KLHL3: variants seen among roughly 807,000 people sequenced by gnomAD.
KLHL3 encodes the protein kelch-like protein 3.
A neutral mutation model predicts 70.5 loss-of-function variants in KLHL3; 19 were observed. That is an observed-to-expected ratio of 0.27 (90% confidence interval 0.19 to 0.40). The LOEUF (loss-of-function observed/expected upper bound fraction) is 0.40, where lower values mean the gene tolerates loss of function less well. Ranked by LOEUF, KLHL3 falls within the 10% of genes least tolerant of loss-of-function variation. The pLI is 1.00. For synonymous variants in KLHL3, 258 were observed against 290.3 expected, an observed-to-expected ratio of 0.89 and a Z score of 1.13; for missense variants, 512 against 771.1, an observed-to-expected ratio of 0.66 and a Z score of 3.98.
intron 5 of KLHL3, among the ~76,000 whole-genome samples, chr5:137,683,491 A>T (rs1412898985): frequency 6.6e-6 from 1 of 152,220 alleles, no homozygotes; most frequent in African/African-American, 2.4e-5. Context: ...TTTAGAGGCC[A>T]GAGGCAAGCT....
At chr5:137,697,531 A>T (rs1242093089) in intron 4 of KLHL3, among the ~76,000 whole-genome samples, 1 of 152,190 alleles carries the variant, frequency 6.6e-6, no homozygotes, top group African/African-American at 2.4e-5. Flanking sequence ...AAGTGAAGAG[A>T]TTAAAAGTCC....
At chr5:137,721,884 G>A (rs1028041662) in intron 1 of KLHL3, among the ~76,000 whole-genome samples, 9 of 152,234 alleles carry the variant, frequency 5.9e-5, no homozygotes, top group Non-Finnish European at 8.8e-5. Flanking sequence ...TTTATGGAAG[G>A]TGGAAATAAG....
rs977144475 is a variant in KLHL3 at position 137,621,398 on chromosome 5, G to A, written c.*700C>T. On this transcript the variant is annotated 3_prime_UTR_variant, in exon 15 of 15. Transcript: ENST00000309755. ...CAGTTCTCATCTGCTTCCTGTAGGA[G>A]AACTCAAGGAAAAACAGTGAGCTGA... is the stretch of plus-strand genomic sequence containing the variant. 6.6e-6 allele frequency: 1 copy of A among 152,432 alleles called. No homozygotes were observed. Among genetic ancestry groups the A allele is most frequent in the African/African-American group, 2.4e-5 (1 of 41,418 alleles). The allele number at this position is 152,432 out of a possible 1,614,324, so 9.4% of individuals were successfully genotyped here. A position where few individuals can be genotyped will look rare whatever the true frequency, so the allele number is the denominator to read the frequency against.
At position 137,625,730 on chromosome 5, in the gene KLHL3, G is replaced by A. The variant is rs369046963; in HGVS notation, c.1735+23C>T. ...AGTGTGTTGGAGGCCTCTCGGATGG[G>A]CATGGAGATGGCACACACTGACCTG... On this transcript the variant is annotated intron_variant, in intron 14 of 14. Coordinates refer to ENST00000309755, the MANE Select transcript of KLHL3 (RefSeq NM_017415.3). The A allele has an allele frequency of 1.1e-5, 17 of 1,613,636 alleles. No individual in the cohort carries two copies. In the African/African-American group the frequency reaches 2.3e-4, roughly 22 times the overall value.
chr5:137,629,556 A>T (rs541734588), intron 12 of KLHL3: 2 of 152,350 alleles, frequency 1.3e-5, no homozygotes, highest in South Asian at 4.1e-4. Context: ...AGACTTGTAG[A>T]CTATAACTCC....
At chr5:137,702,928 CT>C (rs1358164006) in intron 3 of KLHL3, among the ~76,000 whole-genome samples, 1 of 152,008 alleles carries the variant, frequency 6.6e-6, no homozygotes, top group East Asian at 1.9e-4. Flanking sequence ...CAGCTGAGAC[CT>C]TTTTAGGTGG....
intron 5 of KLHL3, among the ~76,000 whole-genome samples, chr5:137,684,877 T>C (rs1561605362): frequency 6.6e-6 from 1 of 152,204 alleles, no homozygotes; most frequent in Non-Finnish European, 1.5e-5. Flanking sequence ...CTACCCTCCC[T>C]ACCCCAGAAT....
chr5:137,679,481 C>T (rs908594197), intron 5 of KLHL3, among the ~76,000 whole-genome samples: 2 of 151,922 alleles, frequency 1.3e-5, no homozygotes, highest in African/African-American at 2.4e-5. Context: ...AGCTGACAGC[C>T]GGAGAAGGGA....
At chr5:137,627,486 C>CCG (rs1554089752) in intron 13 of KLHL3, among the ~76,000 whole-genome samples, 5 of 130,920 alleles carry the variant, frequency 3.8e-5, no homozygotes, top group African/African-American at 1.3e-4. Flanking sequence ...CACCCCCCCC[C>CCG]CCGGTTTACA....
chr5:137,708,543 G>A (rs1297482500), intron 3 of KLHL3, among the ~76,000 whole-genome samples: 1 of 152,152 alleles, frequency 6.6e-6, no homozygotes, highest in Non-Finnish European at 1.5e-5. Context: ...AAATATTTGT[G>A]TCCTACCATG....
intron 2 of KLHL3, among the ~76,000 whole-genome samples, chr5:137,710,076 A>G (rs1200462534): frequency 6.6e-6 from 1 of 152,122 alleles, no homozygotes; most frequent in African/African-American, 2.4e-5. Context: ...CCATGGAGAG[A>G]TCCAACTACT....
chr5:137,663,832 C>G (rs1371828002), intron 6 of KLHL3, among the ~76,000 whole-genome samples: 1 of 152,050 alleles, frequency 6.6e-6, no homozygotes, highest in African/African-American at 2.4e-5. Context: ...GCTTTCAATG[C>G]CAATATTTGG....
At chr5:137,730,613 A>G (rs1753157742) in intron 1 of KLHL3, among the ~76,000 whole-genome samples, 1 of 152,236 alleles carries the variant, frequency 6.6e-6, no homozygotes, top group African/African-American at 2.4e-5. Flanking sequence ...TGCTTTCTTT[A>G]AAACTCAAGG....
Position 137,678,286 on chromosome 5 carries a change from T to C in KLHL3, c.527-632A>G, listed in dbSNP as rs142739718. ...CCACAGAGCCAGGCCTATGGAACTGTTCAAGACAGAGGGAAATTTGGTGAC... is the reference window on the plus strand; with the variant it reads ...CCACAGAGCCAGGCCTATGGAACTGCTCAAGACAGAGGGAAATTTGGTGAC... On this transcript the variant is annotated intron_variant, in intron 5 of 14. Coordinates refer to ENST00000309755, the MANE Select transcript of KLHL3 (RefSeq NM_017415.3). Among the ~76,000 whole-genome samples, 317 of 152,182 alleles carry C rather than the reference T, an allele frequency of 2.1e-3. 6 individuals are homozygous for C. The Middle Eastern group carries it at 0.027, about 13-fold the overall frequency.
intron 8 of KLHL3, among the ~76,000 whole-genome samples, chr5:137,650,618 G>C (rs1294258456): frequency 1.3e-5 from 2 of 152,058 alleles, no homozygotes; most frequent in South Asian, 2.1e-4. Context: ...TCAGGAGTTC[G>C]AGACCAGCCT....
Position 137,691,704 on chromosome 5 carries a change from G to A in KLHL3, c.526+581C>T, listed in dbSNP as rs532523697. 7.9e-5 allele frequency among the ~76,000 whole-genome samples: 12 copies of A among 151,844 alleles called. No homozygotes were observed. In the East Asian group the frequency reaches 1.6e-3, roughly 20 times the overall value. On this transcript the variant is annotated intron_variant, in intron 5 of 14. Coordinates refer to ENST00000309755, the MANE Select transcript of KLHL3 (RefSeq NM_017415.3). ...CGGCTCACTGCAAGCTCCGCCTCCCGGATTCACACCATTCTCCTGCCTCAG... is the reference window on the plus strand; with the variant it reads ...CGGCTCACTGCAAGCTCCGCCTCCCAGATTCACACCATTCTCCTGCCTCAG...
At chr5:137,675,907 C>A (rs1751873387) in intron 6 of KLHL3, among the ~76,000 whole-genome samples, 1 of 152,174 alleles carries the variant, frequency 6.6e-6, no homozygotes, top group Non-Finnish European at 1.5e-5. Context: ...CCAAATTGAC[C>A]AACTGTCTCA....
At chr5:137,719,165 T>A (rs1752951138) in intron 2 of KLHL3, among the ~76,000 whole-genome samples, 1 of 152,244 alleles carries the variant, frequency 6.6e-6, no homozygotes, top group Non-Finnish European at 1.5e-5. Flanking sequence ...AACAAATAAT[T>A]ATTGCGTACC....
rs556720699 is a variant in KLHL3 at position 137,733,516 on chromosome 5, T to C, written c.14+2117A>G. Reference sequence around the variant, plus strand: ...TCCAAGTCTGGGGACTGCTAAGATATATGAAATAAAAGCACTGAAAGATCT... The same window carrying C: ...TCCAAGTCTGGGGACTGCTAAGATACATGAAATAAAAGCACTGAAAGATCT... On this transcript the variant is annotated intron_variant, in intron 1 of 14. Coordinates refer to ENST00000309755, the MANE Select transcript of KLHL3 (RefSeq NM_017415.3). 2.0e-5 allele frequency among the ~76,000 whole-genome samples: 3 copies of C among 152,274 alleles called. No homozygotes were observed. The South Asian group carries it at 6.2e-4, about 32-fold the overall frequency.
Sources: gnomAD v4.1 joint callset for allele counts (sites outside exome capture counted in the v4.1 genomes callset) on GRCh38, gnomAD v4.1.1 for gene constraint, MANE v1.5 for transcripts, NCBI Gene and HGNC (gene_info 2026-07-23, HGNC 2026-07-21) for gene names.